The following BACH2 variants were observed in gnomAD, a reference collection of about 807,000 sequenced individuals.
BACH2 encodes the protein transcription regulator protein BACH2.
In BACH2, 5 loss-of-function variants were observed where a neutral mutation model predicts 61.8. The observed-to-expected ratio is 0.08, with a 90% CI of 0.04 to 0.17. The LOEUF (loss-of-function observed/expected upper bound fraction) is 0.17. Ranked by LOEUF, BACH2 falls within the 10% of genes least tolerant of loss-of-function variation. The pLI is 1.00. For synonymous variants in BACH2, 446 were observed against 440.1 expected, an observed-to-expected ratio of 1.01 and a Z score of -0.17; for missense variants, 824 against 1,091.1, an observed-to-expected ratio of 0.76 and a Z score of 3.45.
At chr6:90,218,506 C>CTT (rs34080254) in intron 3 of BACH2, among the ~76,000 whole-genome samples, 3 of 142,900 alleles carry the variant, frequency 2.1e-5, no homozygotes, top group East Asian at 2.1e-4. Context: ...TCTTTTCTTT[C>CTT]TTTTTTTTTT....
intron 7 of BACH2, among the ~76,000 whole-genome samples, chr6:89,947,879 C>A (rs1305575375): frequency 2.6e-5 from 4 of 152,030 alleles, no homozygotes; most frequent in African/African-American, 9.7e-5. Flanking sequence ...CCATGGATTC[C>A]TTTTTTAAAG....
rs572765838 is a variant in BACH2 at position 90,221,669 on chromosome 6, G to A, written c.-274-14988C>T. 2.6e-5 allele frequency among the ~76,000 whole-genome samples: 4 copies of A among 152,202 alleles called. No homozygotes were observed. In the East Asian group the frequency reaches 7.7e-4, roughly 29 times the overall value. Reference sequence around the variant, plus strand: ...GAAGGAGTGGCTAATTCTGCTTGAGGAAATAGGGCGTGACATCACCAGCAA... The same window carrying A: ...GAAGGAGTGGCTAATTCTGCTTGAGAAAATAGGGCGTGACATCACCAGCAA... On this transcript the variant is annotated intron_variant, in intron 3 of 8. Transcript: ENST00000257749.
chr6:89,941,718 G>A (rs915150127), intron 7 of BACH2, among the ~76,000 whole-genome samples: 2 of 152,182 alleles, frequency 1.3e-5, no homozygotes, highest in South Asian at 4.1e-4. Flanking sequence ...AGGTGGTGGC[G>A]CTTTGGGGGC....
intron 5 of BACH2, among the ~76,000 whole-genome samples, chr6:90,044,791 TGAC>T (rs1371382664): frequency 6.6e-6 from 1 of 152,128 alleles, no homozygotes; most frequent in Non-Finnish European, 1.5e-5. Context: ...TCAGCTTAAG[TGAC>T]CAGATGAATG....
rs1308218892 is a variant in BACH2 at position 89,951,157 on chromosome 6, C to G, written c.949G>C (p.Ala317Pro). 1.2e-6 allele frequency: 2 copies of G among 1,612,574 alleles called. No individual in the cohort carries two copies. Among genetic ancestry groups the G allele is most frequent in the East Asian group, 4.5e-5 (2 of 44,838 alleles). The change falls in exon 7 of 9, where the codon GCC (alanine) becomes CCC (proline). Residue 317 changes from alanine to proline, a missense_variant. This residue lies in a region of BACH2 where 226 missense variants were observed against 228.5 expected (regional missense o/e 0.99). Transcript: ENST00000257749. This position sits in a 1 kb window ranked among gnomAD's most constrained non-coding sequence, Gnocchi z 6.4. ...VEMDRKQPSP[A>P]PTPTAPAGAA... Reference sequence around the variant, plus strand: ...CCAGCTGGGGCCGTGGGGGTAGGGGCAGGGCTGGGCTGTTTCCGGTCCATC... The same window carrying G: ...CCAGCTGGGGCCGTGGGGGTAGGGGGAGGGCTGGGCTGTTTCCGGTCCATC...
At chr6:90,046,805 C>CTTT (rs35251573) in intron 5 of BACH2, among the ~76,000 whole-genome samples, 1 of 147,756 alleles carries the variant, frequency 6.8e-6, no homozygotes. Context: ...AATTTGGTGA[C>CTTT]TTTTTTTTTT....
At chr6:90,279,045 C>T (rs1771777508) in intron 1 of BACH2, among the ~76,000 whole-genome samples, 1 of 152,098 alleles carries the variant, frequency 6.6e-6, no homozygotes, top group Admixed American at 6.5e-5. Flanking sequence ...GTGTATATTG[C>T]ACAGCACATC....
At chr6:90,013,806 CCT>C (rs1471004844) in intron 5 of BACH2, among the ~76,000 whole-genome samples, 1 of 151,950 alleles carries the variant, frequency 6.6e-6, no homozygotes, top group Non-Finnish European at 1.5e-5. Context: ...CTGTGCCCGG[CCT>C]CTTTTTCTAT....
intron 1 of BACH2, among the ~76,000 whole-genome samples, chr6:90,285,781 A>G (rs376819340): frequency 3.9e-5 from 6 of 152,340 alleles, no homozygotes; most frequent in African/African-American, 1.4e-4. Flanking sequence ...TGGGCAGTTT[A>G]CAGTGCGGCC....
chr6:90,208,865 A>C (rs1488155771), intron 3 of BACH2, among the ~76,000 whole-genome samples: 1 of 152,210 alleles, frequency 6.6e-6, no homozygotes, highest in African/African-American at 2.4e-5. Flanking sequence ...ATGGAATGCT[A>C]TGCAGCCATA....
intron 4 of BACH2, among the ~76,000 whole-genome samples, chr6:90,179,248 TG>T (rs1412221939): frequency 6.6e-6 from 1 of 152,040 alleles, no homozygotes; most frequent in Non-Finnish European, 1.5e-5. Context: ...TGATCACTAA[TG>T]AAATGTATCC....
At chr6:90,155,559 T>C (rs1784968359) in intron 4 of BACH2, among the ~76,000 whole-genome samples, 1 of 152,154 alleles carries the variant, frequency 6.6e-6, no homozygotes, top group Non-Finnish European at 1.5e-5. Flanking sequence ...AGATGATTCA[T>C]TTGCAATAGT....
chr6:90,084,434 C>G (rs1562431697), intron 5 of BACH2, among the ~76,000 whole-genome samples: 3 of 151,936 alleles, frequency 2.0e-5, no homozygotes, highest in Non-Finnish European at 4.4e-5. Flanking sequence ...CATGCCCTTT[C>G]AACTCAAGCT....
chr6:89,976,620 A>G (rs1281681133), intron 6 of BACH2, among the ~76,000 whole-genome samples: 1 of 152,206 alleles, frequency 6.6e-6, no homozygotes, highest in East Asian at 1.9e-4. Flanking sequence ...CAACAGCATT[A>G]TGGGTCACGT....
At chr6:90,093,394 G>T (rs1195949658) in intron 4 of BACH2, among the ~76,000 whole-genome samples, 1 of 152,178 alleles carries the variant, frequency 6.6e-6, no homozygotes, top group East Asian at 1.9e-4. Context: ...CACTAACTTA[G>T]GCCTCTACTA....
rs777755082 is a variant in BACH2, at chr6:89,950,756, C to G, written c.1350G>C (p.Gly450=). ...AGAGGTCTTTGTCCAAACTGCTCAC[C>G]CCAGAATAAGAATGCACCGAGGTGC... is the stretch of plus-strand genomic sequence containing the variant. The part of the protein sequence containing the change: ...QVSTSVHSYS[G]VSSLDKDLSE... The change falls in exon 7 of 9, where the codon GGG becomes GGC. Residue 450 remains glycine, a synonymous_variant. Transcript: ENST00000257749. The surrounding 1 kb of genome is among the most constrained non-coding windows in gnomAD (Gnocchi z 5.3). The G allele has an allele frequency of 6.2e-7, 1 of 1,614,140 alleles. No individual in the cohort carries two copies. The highest frequency in any genetic ancestry group is 8.5e-7 in the Non-Finnish European group (1 of 1,180,024).
At chr6:90,180,137 G>A (rs1768108896) in intron 4 of BACH2, among the ~76,000 whole-genome samples, 1 of 151,996 alleles carries the variant, frequency 6.6e-6, no homozygotes, top group Admixed American at 6.6e-5. Flanking sequence ...AAGTATAAAT[G>A]CTATACACTT....
intron 4 of BACH2, among the ~76,000 whole-genome samples, chr6:90,091,676 T>C (rs1000658994): frequency 6.6e-6 from 1 of 152,206 alleles, no homozygotes; most frequent in African/African-American, 2.4e-5. Flanking sequence ...CTTTCACTTA[T>C]GTATAAACTC....
chr6:90,159,665 T>C (rs943637235), intron 4 of BACH2, among the ~76,000 whole-genome samples: 1 of 147,932 alleles, frequency 6.8e-6, no homozygotes, highest in Non-Finnish European at 1.5e-5. Context: ...AGATCAGATG[T>C]AGCTGGCTAA....
Sources: allele counts gnomAD v4.1 joint callset (sites outside exome capture counted in the v4.1 genomes callset), GRCh38; gene constraint gnomAD v4.1.1; regional missense constraint gnomAD v4.1.1; non-coding constraint Gnocchi (gnomAD v3.1); transcripts MANE v1.5; gene names NCBI Gene and HGNC (gene_info 2026-07-23, HGNC 2026-07-21).